OCA2: variants seen among roughly 807,000 people sequenced by gnomAD.
OCA2 encodes OCA2 melanosomal transmembrane protein, also known as P protein.
In OCA2, 77 loss-of-function variants were observed where a neutral mutation model predicts 100.2. That is an observed-to-expected ratio of 0.77 (90% CI 0.64 to 0.93). The LOEUF is 0.93. Among genes scored for constraint, OCA2 ranks in the 40% least tolerant of loss-of-function variants. The probability of loss-of-function intolerance (pLI) is 0.00; values close to 1 mark genes in which losing one functional copy is unlikely to be tolerated. For synonymous variants in OCA2, 432 were observed against 439.2 expected (o/e 0.98, Z 0.21); for missense variants, 1,062 against 1,089.1 (o/e 0.98, Z 0.35).
intron 12 of OCA2, among the ~76,000 whole-genome samples, chr15:27,985,526 A>C (rs1567194368): frequency 6.6e-6 from 1 of 152,104 alleles, no homozygotes; most frequent in Non-Finnish European, 1.5e-5. Context: ...GACATTTGGG[A>C]TCCATGTGAG....
chr15:28,020,003 C>T (rs1018228632), intron 6 of OCA2, among the ~76,000 whole-genome samples: 3 of 152,190 alleles, frequency 2.0e-5, no homozygotes, highest in South Asian at 4.1e-4. Context: ...TGACCCACTG[C>T]GCTGGAGGAC....
chr15:27,874,284 A>G (rs1231712238), intron 19 of OCA2, among the ~76,000 whole-genome samples: 1 of 152,194 alleles, frequency 6.6e-6, no homozygotes, highest in Non-Finnish European at 1.5e-5. Context: ...GTGGCACAGG[A>G]TGGAACTGCC....
intron 23 of OCA2, among the ~76,000 whole-genome samples, chr15:27,792,365 C>G (rs2033126126): frequency 6.6e-6 from 1 of 152,198 alleles, no homozygotes; most frequent in Admixed American, 6.5e-5. Flanking sequence ...CAAGGCTGGC[C>G]ACTGGCCTGC....
intron 14 of OCA2, among the ~76,000 whole-genome samples, chr15:27,979,868 G>GTTTTTTTTTTTTTTTTTTT (rs35266057): frequency 9.3e-6 from 1 of 108,032 alleles, no homozygotes; most frequent in African/African-American, 3.5e-5. Flanking sequence ...CCCAGCTAGT[G>GTTTTTTTTTTTTTTTTTTT]TTTTTTTTTT....
intron 1 of OCA2, among the ~76,000 whole-genome samples, chr15:28,090,218 TA>T (rs1440046612): frequency 6.6e-6 from 1 of 152,076 alleles, no homozygotes; most frequent in Admixed American, 6.6e-5. Flanking sequence ...CTAATAGAAC[TA>T]AAAGGAGAAA....
At chr15:28,073,961 T>C (rs1370947051) in intron 2 of OCA2, among the ~76,000 whole-genome samples, 1 of 151,140 alleles carries the variant, frequency 6.6e-6, no homozygotes, top group African/African-American at 2.4e-5. Flanking sequence ...TTGATTATAG[T>C]AGAGGTTACA....
At chr15:28,024,772 C>T (rs2141318133) in intron 5 of OCA2, 73 bp downstream of exon 5, 15 of 1,509,652 alleles carry the variant, frequency 9.9e-6, no homozygotes, top group Non-Finnish European at 1.3e-5. Flanking sequence ...TCAGGTTCCC[C>T]CTGCTATACA....
intron 14 of OCA2, among the ~76,000 whole-genome samples, chr15:27,980,756 T>C (rs749007435): frequency 2.0e-5 from 3 of 152,216 alleles, no homozygotes; most frequent in Non-Finnish European, 4.4e-5. Flanking sequence ...GTCGTCTTTA[T>C]CTCTGTTTCC....
intron 19 of OCA2, among the ~76,000 whole-genome samples, chr15:27,915,981 G>A (rs2038649819): frequency 2.0e-5 from 3 of 151,918 alleles, no homozygotes; most frequent in Admixed American, 2.0e-4. Context: ...TAAAGAAAAT[G>A]TGACACATAT....
At chr15:28,047,411 A>G (rs1032419009) in intron 2 of OCA2, among the ~76,000 whole-genome samples, 10 of 152,162 alleles carry the variant, frequency 6.6e-5, no homozygotes, top group Admixed American at 2.0e-4. Flanking sequence ...CCATGGCACC[A>G]TCCTTTGAAC....
At chr15:27,794,208 C>T (rs987394853) in intron 23 of OCA2, among the ~76,000 whole-genome samples, 1 of 152,144 alleles carries the variant, frequency 6.6e-6, no homozygotes, top group Non-Finnish European at 1.5e-5. Flanking sequence ...CTTTGAGAGG[C>T]GTGGCCAGCA....
intron 19 of OCA2, among the ~76,000 whole-genome samples, chr15:27,874,231 A>C (rs116678400): frequency 6.6e-6 from 1 of 152,254 alleles, no homozygotes; most frequent in African/African-American, 2.4e-5. Flanking sequence ...CTCTCTCCCC[A>C]CGAAAACATT....
At chr15:27,900,923 T>C (rs1257090826) in intron 19 of OCA2, among the ~76,000 whole-genome samples, 1 of 152,196 alleles carries the variant, frequency 6.6e-6, no homozygotes, top group African/African-American at 2.4e-5. Flanking sequence ...TCTGAAGTGG[T>C]GGCAGAGGTC....
intron 21 of OCA2, among the ~76,000 whole-genome samples, chr15:27,868,197 T>A (rs757894847): frequency 6.6e-6 from 1 of 152,190 alleles, no homozygotes; most frequent in Non-Finnish European, 1.5e-5. Flanking sequence ...TTAAACCCTA[T>A]AGACCATATC....
At chr15:27,950,037 AC>A (rs1413626462) in intron 18 of OCA2, among the ~76,000 whole-genome samples, 2 of 152,214 alleles carry the variant, frequency 1.3e-5, no homozygotes, top group African/African-American at 4.8e-5. Flanking sequence ...TGTAAAAAAA[AC>A]GTAGACTTGC....
At chr15:28,016,705 C>G (rs1290205437) in intron 7 of OCA2, among the ~76,000 whole-genome samples, 1 of 152,032 alleles carries the variant, frequency 6.6e-6, no homozygotes, top group Non-Finnish European at 1.5e-5. Flanking sequence ...CCTGTGAGCC[C>G]AGAAGTTCCA....
chr15:28,039,394 G>T (rs1280027355), intron 2 of OCA2, among the ~76,000 whole-genome samples: 2 of 152,160 alleles, frequency 1.3e-5, no homozygotes, highest in Non-Finnish European at 2.9e-5. Context: ...TAGACCATAT[G>T]TTAGGACACA....
chr15:28,023,393 C>A (rs774466799), intron 5 of OCA2, among the ~76,000 whole-genome samples: 1 of 152,202 alleles, frequency 6.6e-6, no homozygotes, highest in Non-Finnish European at 1.5e-5. Flanking sequence ...ACTTCGTACA[C>A]CACCCTGCTG....
chr15:27,922,469 C>T (rs536480830), intron 19 of OCA2, among the ~76,000 whole-genome samples: 1 of 152,192 alleles, frequency 6.6e-6, no homozygotes, highest in African/African-American at 2.4e-5. Context: ...GTTAACTTTA[C>T]ACAGTTATGA....
Sources: allele counts gnomAD v4.1 joint callset (sites outside exome capture counted in the v4.1 genomes callset), GRCh38; gene constraint gnomAD v4.1.1; transcripts MANE v1.5; gene names NCBI Gene and HGNC (gene_info 2026-07-23, HGNC 2026-07-21).